MGST3: variants seen among roughly 807,000 people sequenced by gnomAD.
MGST3 encodes microsomal glutathione S-transferase 3, also known as glutathione S-transferase 3, mitochondrial.
A neutral mutation model predicts 15.8 loss-of-function variants in MGST3; 13 were observed. The observed-to-expected ratio is 0.82, with a 90% CI of 0.54 to 1.31. MGST3 has a LOEUF of 1.31. MGST3 is among the 50% of genes most tolerant of loss of function. The pLI is 0.00. For synonymous variants in MGST3, 49 were observed against 68.1 expected (o/e 0.72, Z 1.38); for missense variants, 155 against 192.4 (o/e 0.81, Z 1.15).
Position 165,649,825 on chromosome 1 carries a change from G to A in MGST3, c.-7-16G>A, listed in dbSNP as rs776967159. 3.0e-5 allele frequency: 49 copies of A among 1,613,780 alleles called. No homozygotes were observed. Among genetic ancestry groups the A allele is most frequent in the Non-Finnish European group, 3.9e-5 (46 of 1,180,014 alleles). On this transcript the variant is annotated splice_polypyrimidine_tract_variant and intron_variant, in intron 1 of 5. Transcript: ENST00000367889. ...ACAGTGCTGGGGGCCGTCCCAACGT[G>A]TTCTTTCTTCCACAGACGCAAGATG... is the stretch of plus-strand genomic sequence containing the variant.
At chr1:165,651,197 A>G (rs1648545452) in intron 3 of MGST3, 110 bp downstream of exon 3, 2 of 897,040 alleles carry the variant, frequency 2.2e-6, no homozygotes, top group African/African-American at 1.6e-5. Flanking sequence ...GATGGTGACA[A>G]TCATGGGCAC....
chr1:165,649,695 T>C, intron 1 of MGST3, 146 bp from the exon 2 acceptor site: 1 of 924,488 alleles, frequency 1.1e-6, no homozygotes, highest in Non-Finnish European at 1.7e-6. Context: ...CTTTGATGAC[T>C]TCTCAGAAAC....
At chr1:165,634,613 T>A (rs565598274) in intron 1 of MGST3, among the ~76,000 whole-genome samples, 26 of 152,300 alleles carry the variant, frequency 1.7e-4, no homozygotes, top group African/African-American at 5.8e-4. Context: ...CTGTGTTCTC[T>A]CTCACATATC....
At chr1:165,654,134 AT>A (rs1648639891) in intron 4 of MGST3, 144 bp from the exon 5 acceptor site, 1 of 767,638 alleles carries the variant, frequency 1.3e-6, no homozygotes, top group Admixed American at 1.9e-5. Flanking sequence ...AACTAACTTA[AT>A]TCTACCTAAT....
intron 1 of MGST3, among the ~76,000 whole-genome samples, chr1:165,637,771 C>G (rs771702880): frequency 1.3e-5 from 2 of 152,190 alleles, no homozygotes; most frequent in Non-Finnish European, 2.9e-5. Context: ...GTTGCTAACT[C>G]AAATGCTGGA....
chr1:165,637,890 A>C (rs1258413639), intron 1 of MGST3, among the ~76,000 whole-genome samples: 1 of 152,014 alleles, frequency 6.6e-6, no homozygotes. Context: ...CTTACTTAAA[A>C]CCCATTGGGT....
At position 165,655,748 on chromosome 1, in the gene MGST3, T is replaced by TA. The variant is rs1648692166; in HGVS notation, c.*245dup. 3.8e-6 allele frequency: 2 copies of TA among 520,110 alleles called. No individual in the cohort carries two copies. Among genetic ancestry groups the TA allele is most frequent in the Non-Finnish European group, 6.9e-6 (2 of 291,158 alleles). The allele number at this position is 520,110 out of a possible 1,614,324, so 32.2% of individuals were successfully genotyped here. On this transcript the variant is annotated 3_prime_UTR_variant, in exon 6 of 6. Transcript: ENST00000367889. The stretch of plus-strand genomic sequence containing the variant: ...ACCCTTCCAGCAGATGCTTCTGTAG[T>TA]ATGTGAGGTTGAGAAAAAGTCTGAT...
intron 4 of MGST3, among the ~76,000 whole-genome samples, chr1:165,652,875 A>G (rs1050935846): frequency 9.9e-5 from 15 of 152,224 alleles, no homozygotes; most frequent in Non-Finnish European, 2.1e-4. Flanking sequence ...ACATATCTAA[A>G]TAAAGCAAGT....
chr1:165,654,222 T>A, intron 4 of MGST3, 57 bp from the exon 5 acceptor site: 1 of 1,547,756 alleles, frequency 6.5e-7, no homozygotes, highest in Non-Finnish European at 8.9e-7. Flanking sequence ...CCCTAGGTGT[T>A]AAAAAAGGTT....
chr1:165,640,235 G>C (rs554702647), intron 1 of MGST3, among the ~76,000 whole-genome samples: 1 of 151,978 alleles, frequency 6.6e-6, no homozygotes, highest in East Asian at 1.9e-4. Context: ...TTGTTGTCTC[G>C]AACCTCTGTT....
intron 4 of MGST3, 111 bp from the exon 5 acceptor site, chr1:165,654,168 A>G (rs1648641274): frequency 9.5e-7 from 1 of 1,053,914 alleles, no homozygotes; most frequent in South Asian, 1.3e-5. Context: ...TAGTTGGCCA[A>G]ATCATCAAAT....
chr1:165,645,476 AT>A (rs559548562), intron 1 of MGST3, among the ~76,000 whole-genome samples: 4 of 151,236 alleles, frequency 2.6e-5, no homozygotes, highest in Admixed American at 6.6e-5. Flanking sequence ...TACAGTTAAC[AT>A]TTTTTTTTAA....
At chr1:165,647,983 G>C (rs1268080997) in intron 1 of MGST3, 1 of 152,188 alleles carries the variant, frequency 6.6e-6, no homozygotes, top group African/African-American at 2.4e-5. Flanking sequence ...TAAATGACCT[G>C]TTTGCCCCAG....
At chr1:165,644,943 T>A (rs1648357868) in intron 1 of MGST3, among the ~76,000 whole-genome samples, 1 of 152,064 alleles carries the variant, frequency 6.6e-6, no homozygotes, top group East Asian at 1.9e-4. Context: ...ATATTTTTAG[T>A]AGAAACAGGG....
chr1:165,639,120 C>T (rs564030591), intron 1 of MGST3, among the ~76,000 whole-genome samples: 1 of 152,358 alleles, frequency 6.6e-6, no homozygotes, highest in East Asian at 1.9e-4. Flanking sequence ...TCTCTCCCTC[C>T]CCTATGCTCT....
At chr1:165,648,679 G>A (rs1015210613) in intron 1 of MGST3, 4 of 151,080 alleles carry the variant, frequency 2.6e-5, no homozygotes, top group African/African-American at 9.8e-5. Flanking sequence ...AAGCAGTTAG[G>A]CCTATTTTGC....
At chr1:165,636,851 A>G (rs1375291393) in intron 1 of MGST3, 1 of 151,824 alleles carries the variant, frequency 6.6e-6, no homozygotes, top group African/African-American at 2.4e-5. Context: ...CTGGCTGGAG[A>G]TGGTTTTGAG....
chr1:165,632,596 C>T (rs1647983567), intron 1 of MGST3, among the ~76,000 whole-genome samples: 1 of 152,050 alleles, frequency 6.6e-6, no homozygotes, highest in African/African-American at 2.4e-5. Flanking sequence ...CACAATGTTA[C>T]GGAAATAGAA....
At chr1:165,647,758 G>A (rs1648446158) in intron 1 of MGST3, 1 of 146,234 alleles carries the variant, frequency 6.8e-6, no homozygotes, top group Admixed American at 6.8e-5. Context: ...GTCTTGCTCT[G>A]TTGCCCCATG....
Sources: gnomAD v4.1 joint callset for allele counts (sites outside exome capture counted in the v4.1 genomes callset) on GRCh38, gnomAD v4.1.1 for gene constraint, MANE v1.5 for transcripts, NCBI Gene and HGNC (gene_info 2026-07-23, HGNC 2026-07-21) for gene names.